MACROD2: variants seen among roughly 807,000 people sequenced by gnomAD.
MACROD2 encodes mono-ADP ribosylhydrolase 2.
In MACROD2, 36 loss-of-function variants were observed where a neutral mutation model predicts 70.4. The observed-to-expected ratio is 0.51, with a 90% CI of 0.39 to 0.68. The LOEUF (loss-of-function observed/expected upper bound fraction) is 0.68. Among genes scored for constraint, MACROD2 ranks in the 30% least tolerant of loss-of-function variants. The pLI is 0.00. For synonymous variants in MACROD2, 172 were observed against 178.8 expected (o/e 0.96, Z 0.30); for missense variants, 496 against 538.4 (o/e 0.92, Z 0.78).
intron 3 of MACROD2, among the ~76,000 whole-genome samples, chr20:14,208,681 T>TAGTC (rs2081545706): frequency 6.6e-6 from 1 of 152,170 alleles, no homozygotes; most frequent in Non-Finnish European, 1.5e-5. Flanking sequence ...CCATCGAGAC[T>TAGTC]GCCCAGTGTT....
chr20:14,133,070 G>C (rs2054740297), intron 3 of MACROD2, among the ~76,000 whole-genome samples: 1 of 152,142 alleles, frequency 6.6e-6, no homozygotes, highest in Admixed American at 6.5e-5. Context: ...CTAGTTACAA[G>C]ATCTGCAGTT....
intron 4 of MACROD2, among the ~76,000 whole-genome samples, chr20:14,553,808 A>G (rs528097233): frequency 6.6e-6 from 1 of 152,182 alleles, no homozygotes; most frequent in African/African-American, 2.4e-5. Flanking sequence ...TACATGAGGT[A>G]GGACCTGGTC....
At chr20:15,647,156 C>T (rs763427167) in intron 8 of MACROD2, among the ~76,000 whole-genome samples, 5 of 152,300 alleles carry the variant, frequency 3.3e-5, no homozygotes, top group South Asian at 2.1e-4. Flanking sequence ...GAAGTAGCAG[C>T]GATGCTATGG....
intron 4 of MACROD2, among the ~76,000 whole-genome samples, chr20:14,630,897 G>GTT (rs1398685396): frequency 2.6e-5 from 4 of 151,788 alleles, no homozygotes. Context: ...CTTGAGTTTT[G>GTT]TTTTTGTTTT....
At position 15,797,616 on chromosome 20, in the gene MACROD2, C is replaced by T. The variant is rs538230085; in HGVS notation, c.646-65129C>T. ...ATGGGCTAAAACTGTCATGTAGCCA[C>T]GCATAGCTACAAGGGAAGCTGGAAA... is the stretch of plus-strand genomic sequence containing the variant. On this transcript the variant is annotated intron_variant, in intron 8 of 17. Coordinates refer to ENST00000684519, the MANE Select transcript of MACROD2 (RefSeq NM_001351661.2). Among the ~76,000 whole-genome samples the T allele has an allele frequency of 8.1e-4, 123 of 152,256 alleles. 1 individual carries two copies. Among genetic ancestry groups the T allele is most frequent in the African/African-American group, 2.9e-3 (120 of 41,542 alleles).
intron 8 of MACROD2, among the ~76,000 whole-genome samples, chr20:15,519,050 C>A (rs977286308): frequency 6.6e-6 from 1 of 151,310 alleles, no homozygotes. Context: ...ACTGTTAACT[C>A]GCTCTTTCCT....
At chr20:14,012,508 T>C (rs2052925743) in intron 2 of MACROD2, among the ~76,000 whole-genome samples, 1 of 152,218 alleles carries the variant, frequency 6.6e-6, no homozygotes, top group Non-Finnish European at 1.5e-5. Flanking sequence ...TTCTTTCCTT[T>C]TTTTAATAAT....
intron 5 of MACROD2, among the ~76,000 whole-genome samples, chr20:15,065,031 GA>G (rs372430575): frequency 0.015 from 2,249 of 150,836 alleles, 52 homozygotes; most frequent in African/African-American, 0.052. Context: ...TTGGTAAACG[GA>G]AAAAAAAAGA....
At chr20:14,049,009 C>T (rs2053518778) in intron 2 of MACROD2, among the ~76,000 whole-genome samples, 1 of 151,894 alleles carries the variant, frequency 6.6e-6, no homozygotes, top group Non-Finnish European at 1.5e-5. Context: ...ATGCAAAGAG[C>T]TTCTATGCAC....
At chr20:15,404,232 C>A (rs980485912) in intron 6 of MACROD2, among the ~76,000 whole-genome samples, 1 of 152,112 alleles carries the variant, frequency 6.6e-6, no homozygotes, top group Non-Finnish European at 1.5e-5. Context: ...AATTTATTAA[C>A]AGGATTTTGA....
intron 10 of MACROD2, among the ~76,000 whole-genome samples, chr20:15,898,806 C>G (rs6514634): frequency 0.68 from 102,553 of 151,670 alleles, 35,739 homozygotes; most frequent in Non-Finnish European, 0.77. Flanking sequence ...ATTTCCCTTA[C>G]AAAAGCACCA....
intron 5 of MACROD2, among the ~76,000 whole-genome samples, chr20:15,076,521 G>T (rs1476388541): frequency 6.6e-6 from 1 of 152,024 alleles, no homozygotes; most frequent in African/African-American, 2.4e-5. Flanking sequence ...AAGTATTACT[G>T]TTATTATCAT....
At chr20:14,797,422 C>T (rs764014285) in intron 5 of MACROD2, among the ~76,000 whole-genome samples, 1 of 151,914 alleles carries the variant, frequency 6.6e-6, no homozygotes, top group Non-Finnish European at 1.5e-5. Context: ...GCACTCTGTC[C>T]CCACTCTCTC....
In MACROD2 at chr20:16,018,862, G is replaced by A. The variant is rs116598902; in HGVS notation, c.1154-22339G>A. Among the ~76,000 whole-genome samples the A allele has an allele frequency of 7.1e-3, 1,085 of 152,128 alleles. 9 individuals are homozygous for A. Among genetic ancestry groups the A allele is most frequent in the African/African-American group, 0.022 (895 of 41,508 alleles). On this transcript the variant is annotated intron_variant, in intron 15 of 17. Transcript: ENST00000684519. ...TCCTTTGTGGCTAGGTGTCTTATAT[G>A]CCTTCATGACTTAACTCTCTCTATT... is the stretch of plus-strand genomic sequence containing the variant.
intron 6 of MACROD2, among the ~76,000 whole-genome samples, chr20:15,285,528 C>T (rs933097388): frequency 6.6e-5 from 10 of 152,110 alleles, no homozygotes; most frequent in African/African-American, 2.2e-4. Context: ...TTTTGAAAAT[C>T]GTACTTCAAT....
At chr20:14,801,866 C>T (rs887951686) in intron 5 of MACROD2, among the ~76,000 whole-genome samples, 1 of 152,108 alleles carries the variant, frequency 6.6e-6, no homozygotes, top group African/African-American at 2.4e-5. Context: ...CCTTTCACGG[C>T]TTCCAGTCCT....
chr20:14,807,643 C>T (rs1600683404), intron 5 of MACROD2, among the ~76,000 whole-genome samples: 1 of 152,008 alleles, frequency 6.6e-6, no homozygotes, highest in South Asian at 2.1e-4. Flanking sequence ...ACAAATTCCT[C>T]TGAGCTAAAG....
intron 8 of MACROD2, among the ~76,000 whole-genome samples, chr20:15,534,980 A>G (rs1349277984): frequency 6.6e-6 from 1 of 152,088 alleles, no homozygotes; most frequent in Non-Finnish European, 1.5e-5. Context: ...AAAAACATAT[A>G]TATATGTTTT....
intron 3 of MACROD2, among the ~76,000 whole-genome samples, chr20:14,382,548 A>G (rs1023762589): frequency 6.6e-6 from 1 of 151,872 alleles, no homozygotes; most frequent in Non-Finnish European, 1.5e-5. Flanking sequence ...CATGCCTGTA[A>G]TCCCAGCGAC....
Sources: allele counts gnomAD v4.1 joint callset (sites outside exome capture counted in the v4.1 genomes callset), GRCh38; gene constraint gnomAD v4.1.1; transcripts MANE v1.5; gene names NCBI Gene and HGNC (gene_info 2026-07-23, HGNC 2026-07-21).